The following ARMCX4 variants were observed in gnomAD, a reference collection of about 807,000 sequenced individuals.
ARMCX4 encodes the protein armadillo repeat containing X-linked 4.
ARMCX4 carries 3 observed loss-of-function variants against 34.7 expected under a neutral mutation model. The ratio of observed to expected loss-of-function variants is 0.09; its 90% CI spans 0.04 to 0.22. The LOEUF (loss-of-function observed/expected upper bound fraction) is 0.22. Ranked by LOEUF, ARMCX4 falls within the 10% of genes least tolerant of loss-of-function variation. The pLI is 1.00. For synonymous variants in ARMCX4, 513 were observed against 632.8 expected, an observed-to-expected ratio of 0.81 and a Z score of 2.84; for missense variants, 1,448 against 1,720.8, an observed-to-expected ratio of 0.84 and a Z score of 2.81.
chrX:101,428,872 CTTTT>C (rs57998955), intron 2 of ARMCX4, among the ~76,000 whole-genome samples: 1 of 66,252 alleles, frequency 1.5e-5, no homozygotes, highest in South Asian at 9.4e-4. Flanking sequence ...ATTTCTTTTC[CTTTT>C]TTTTTTTTTT....
upstream of ARMCX4, among the ~76,000 whole-genome samples, chrX:101,480,466 T>A (rs1339640551): frequency 3.6e-5 from 4 of 111,305 alleles, no homozygotes; most frequent in Non-Finnish European, 5.7e-5. Context: ...CTCAGGAGAC[T>A]GAGGCAGGAA....
downstream of ARMCX4, among the ~76,000 whole-genome samples, chrX:101,534,451 C>A (rs1603231971): frequency 9.1e-6 from 1 of 110,429 alleles, no homozygotes; most frequent in African/African-American, 3.3e-5. Context: ...TTATGAGAGA[C>A]CTTACCCTTC....
chrX:101,451,962 G>A (rs915141990), downstream of ARMCX4, among the ~76,000 whole-genome samples: 7 of 111,944 alleles, frequency 6.3e-5, no homozygotes, highest in Admixed American at 3.8e-4. Flanking sequence ...GTTCAAGATC[G>A]TTTATATAGA....
Position 101,488,872 on chromosome X carries a change from G to A in ARMCX4, c.283G>A (p.Ala95Thr), listed in dbSNP as rs1476928029. Residue 95 changes from alanine to threonine, a missense_variant, in exon 6 of 6, where the codon GCC (alanine) becomes ACC (threonine). By Grantham distance (58) the Ala-to-Thr change is moderately conservative. This residue lies in a region of ARMCX4 where 1,343 missense variants were observed against 1,540.7 expected (regional missense o/e 0.87). Transcript: ENST00000423738. ...AEVETKATAI[A>T]IHRANSQAKA... ...AGTAGAGACCAAGGCCACTGCTATA[G>A]CCATACACAGAGCCAACTCTCAGGC... 3.5e-6 allele frequency: 4 copies of A among 1,154,314 alleles called. No individual in the cohort carries two copies. Among genetic ancestry groups the A allele is most frequent in the Non-Finnish European group, 3.4e-6 (3 of 872,600 alleles).
chrX:101,533,862 A>G (rs191481076), downstream of ARMCX4, among the ~76,000 whole-genome samples: 21 of 111,548 alleles, frequency 1.9e-4, no homozygotes, highest in Non-Finnish European at 1.7e-4. Flanking sequence ...AACCAAGAGA[A>G]AGAAATGTAA....
intron 4 of ARMCX4, among the ~76,000 whole-genome samples, chrX:101,468,655 C>T (rs1194167213): frequency 9.2e-6 from 1 of 108,980 alleles, no homozygotes; most frequent in Non-Finnish European, 1.9e-5. Flanking sequence ...GCTCTGTCAC[C>T]TAGGCTGGAG....
chrX:101,488,548 G>T lies in ARMCX4; in HGVS notation c.-42G>T. The T allele has an allele frequency of 6.1e-6, 7 of 1,155,746 alleles. No individual in the cohort carries two copies. Among genetic ancestry groups the T allele is most frequent in the Non-Finnish European group, 8.0e-6 (7 of 872,918 alleles). On this transcript the variant is annotated 5_prime_UTR_variant, in exon 6 of 6. Transcript: ENST00000423738. The stretch of plus-strand genomic sequence containing the variant: ...ACTCTCTTTACCCCAGCCCGAGTGC[G>T]CTCTACCATACCTTGTTCGTGCTTT...
At chrX:101,425,351 A>T (rs1399266793) in intron 2 of ARMCX4, among the ~76,000 whole-genome samples, 1 of 109,999 alleles carries the variant, frequency 9.1e-6, no homozygotes, top group Non-Finnish European at 1.9e-5. Flanking sequence ...AGAAATCTAG[A>T]ATGGAACAGA....
rs781986900 is a variant in ARMCX4, at chrX:101,467,325, A to G, written c.-472-18698A>G. ...CCACCATGCCCGGCTAATTTTTTGT[A>G]TTTTAAGTAGAGATGGGGTTTCACC... is the stretch of plus-strand genomic sequence containing the variant. On this transcript the variant is annotated intron_variant and NMD_transcript_variant, in intron 4 of 15. Transcript: ENST00000433011. 5.4e-5 allele frequency among the ~76,000 whole-genome samples: 6 copies of G among 111,127 alleles called. No homozygotes were observed. In the South Asian group the frequency reaches 2.3e-3, roughly 42 times the overall value.
chrX:101,529,707 T>A (rs1415751759), intron 11 of ARMCX4, among the ~76,000 whole-genome samples: 1 of 112,506 alleles, frequency 8.9e-6, no homozygotes, highest in Non-Finnish European at 1.9e-5. Flanking sequence ...AGAAGACATT[T>A]ATGCAGCCAA....
intron 11 of ARMCX4, among the ~76,000 whole-genome samples, chrX:101,523,688 T>TGCCCCACCAA (rs1934902584): frequency 3.6e-5 from 4 of 111,557 alleles, no homozygotes; most frequent in Admixed American, 2.9e-4. Context: ...GGTGGTTCAG[T>TGCCCCACCAA]ATTCAGGGTT....
At chrX:101,474,351 T>G (rs1556003769) in intron 4 of ARMCX4, among the ~76,000 whole-genome samples, 1 of 108,431 alleles carries the variant, frequency 9.2e-6, no homozygotes, top group African/African-American at 3.4e-5. Flanking sequence ...CAGGACCAGA[T>G]GGATTCACAG....
At chrX:101,438,068 T>A (rs937964840) in intron 2 of ARMCX4, among the ~76,000 whole-genome samples, 3 of 111,088 alleles carry the variant, frequency 2.7e-5, no homozygotes, top group Non-Finnish European at 3.8e-5. Context: ...TCCTGAGGAG[T>A]GCTTTACTTC....
At position 101,527,397 on chromosome X, in the gene ARMCX4, C is replaced by T. The variant is rs782052281; in HGVS notation, c.*1781-4247C>T. On this transcript the variant is annotated intron_variant and NMD_transcript_variant, in intron 11 of 12. Coordinates refer to the ARMCX4 transcript ENST00000354842. ...GAAAGCAGGAAAGATCTAAAATCGA[C>T]ACCCTAACATCACACTTAAAGAACT... Among the ~76,000 whole-genome samples, 83 of 111,710 alleles carry T rather than the reference C, an allele frequency of 7.4e-4. 1 individual carries two copies. In the South Asian group the frequency reaches 0.026, roughly 35 times the overall value.
chrX:101,471,615 C>T (rs1367924583), intron 4 of ARMCX4, among the ~76,000 whole-genome samples: 13 of 111,852 alleles, frequency 1.2e-4, no homozygotes, highest in East Asian at 2.8e-4. Flanking sequence ...GATTTGAGAA[C>T]GGGCAGACTG....
chrX:101,433,433 TACAC>T (rs1174109858), intron 2 of ARMCX4, among the ~76,000 whole-genome samples: 3 of 109,562 alleles, frequency 2.7e-5, no homozygotes, highest in African/African-American at 6.6e-5. Flanking sequence ...TGTATATGTA[TACAC>T]ACACACACAC....
At chrX:101,500,285 T>G (rs1299692074), downstream of ARMCX4, among the ~76,000 whole-genome samples, 1 of 111,250 alleles carries the variant, frequency 9.0e-6, no homozygotes. Context: ...ATAATTGGAA[T>G]AGACATAGTT....
At chrX:101,517,338 CTTTTCT>C (rs1934765701) in intron 11 of ARMCX4, among the ~76,000 whole-genome samples, 1 of 111,853 alleles carries the variant, frequency 8.9e-6, no homozygotes, top group Admixed American at 9.5e-5. Context: ...ATAGTTATTA[CTTTTCT>C]TTTTCTTTTT....
At position 101,431,837 on chromosome X, in the gene ARMCX4, CT is replaced by C. The variant is rs1930047500; in HGVS notation, n.165-12214del. On this transcript the variant is annotated intron_variant and non_coding_transcript_variant, in intron 2 of 3. Coordinates refer to the ARMCX4 transcript ENST00000430461. ...GGATTATAGGCGTGAGCCACCACGCCTGGCCTGCACCATGTTTCTTAAAGGC... is the reference window on the plus strand; with the variant it reads ...GGATTATAGGCGTGAGCCACCACGCCGGCCTGCACCATGTTTCTTAAAGGC... 6.2e-5 allele frequency among the ~76,000 whole-genome samples: 7 copies of C among 112,612 alleles called. No homozygotes were observed. The Admixed American group carries it at 6.6e-4, about 11-fold the overall frequency.
Sources: gnomAD v4.1 joint callset for allele counts (sites outside exome capture counted in the v4.1 genomes callset) on GRCh38, gnomAD v4.1.1 for gene constraint, gnomAD v4.1.1 regional missense constraint, MANE v1.5 for transcripts, NCBI Gene and HGNC (gene_info 2026-07-23, HGNC 2026-07-21) for gene names.